Variants in GOSR1 observed in about 807,000 individuals in gnomAD.
GOSR1 encodes the protein 28 kDa Golgi SNARE protein.
In GOSR1, 21 loss-of-function variants were observed where a neutral mutation model predicts 35.5. That is an observed-to-expected ratio of 0.59 (90% confidence interval 0.42 to 0.85). GOSR1 has a LOEUF of 0.85. Among genes scored for constraint, GOSR1 ranks in the 40% least tolerant of loss-of-function variants. The pLI is 0.00. For synonymous variants in GOSR1, 94 were observed against 106.6 expected, an observed-to-expected ratio of 0.88 and a Z score of 0.73; for missense variants, 285 against 309.6, an observed-to-expected ratio of 0.92 and a Z score of 0.60.
chr17:30,496,429 C>T (rs142286341), intron 6 of GOSR1, among the ~76,000 whole-genome samples: 1 of 152,300 alleles, frequency 6.6e-6, no homozygotes, highest in African/African-American at 2.4e-5. Context: ...ATCATAGTCT[C>T]CTTTCCTTGA....
intron 1 of GOSR1, chr17:30,478,786 A>C (rs1914127093): frequency 6.6e-6 from 1 of 152,154 alleles, no homozygotes; most frequent in South Asian, 2.1e-4. Flanking sequence ...TGATCTCCTG[A>C]CCTCGTGATC....
intron 6 of GOSR1, among the ~76,000 whole-genome samples, chr17:30,508,838 C>A (rs576600218): frequency 6.6e-6 from 1 of 152,186 alleles, no homozygotes; most frequent in East Asian, 1.9e-4. Flanking sequence ...GATGAGAAAA[C>A]TGGGGCATGG....
intron 4 of GOSR1, among the ~76,000 whole-genome samples, chr17:30,486,516 T>C (rs1420165160): frequency 2.1e-5 from 3 of 145,610 alleles, no homozygotes; most frequent in Non-Finnish European, 4.5e-5. Flanking sequence ...AGAGTGACTG[T>C]TTCAAAAAAA....
chr17:30,479,010 A>G (rs1334249880), intron 1 of GOSR1: 1 of 152,206 alleles, frequency 6.6e-6, no homozygotes. Flanking sequence ...ATGATTACCA[A>G]TACATAAGCA....
At chr17:30,505,063 T>C (rs1306178497) in intron 6 of GOSR1, among the ~76,000 whole-genome samples, 2 of 152,258 alleles carry the variant, frequency 1.3e-5, no homozygotes, top group Non-Finnish European at 2.9e-5. Context: ...TTCCACAGAC[T>C]GATTATCTGT....
intron 6 of GOSR1, among the ~76,000 whole-genome samples, chr17:30,500,881 C>CT (rs34673687): frequency 0.053 from 7,423 of 139,462 alleles, 241 homozygotes; most frequent in East Asian, 0.096. Context: ...ACAAAGAACT[C>CT]TTTTTTTTTT....
At chr17:30,478,125 CT>C (rs1238904621) in intron 1 of GOSR1, 1 of 166,542 alleles carries the variant, frequency 6.0e-6, no homozygotes, top group African/African-American at 2.4e-5. Context: ...TGCTATACTT[CT>C]CCCACCAAAA....
chr17:30,506,952 C>T (rs1967423198), intron 6 of GOSR1, among the ~76,000 whole-genome samples: 1 of 152,144 alleles, frequency 6.6e-6, no homozygotes, highest in African/African-American at 2.4e-5. Context: ...CTGTTTACCA[C>T]ATGGTTTGCT....
chr17:30,488,444 G>A (rs1476665601), intron 4 of GOSR1, among the ~76,000 whole-genome samples: 7 of 151,494 alleles, frequency 4.6e-5, no homozygotes, highest in Non-Finnish European at 8.8e-5. Context: ...GATTACAGGC[G>A]TGAGCCACTG....
At chr17:30,488,449 C>T (rs1465892306) in intron 4 of GOSR1, among the ~76,000 whole-genome samples, 2 of 152,022 alleles carry the variant, frequency 1.3e-5, no homozygotes, top group African/African-American at 4.8e-5. Flanking sequence ...CAGGCGTGAG[C>T]CACTGCGCCC....
At chr17:30,521,167 C>CTTT (rs71360748) in intron 8 of GOSR1, among the ~76,000 whole-genome samples, 1,049 of 64,220 alleles carry the variant, frequency 0.016, 232 homozygotes, top group East Asian at 0.11. Context: ...TTCTCTCTCT[C>CTTT]TTTTTTTTTT....
At chr17:30,482,220 A>T (rs931761998) in intron 2 of GOSR1, among the ~76,000 whole-genome samples, 2 of 151,898 alleles carry the variant, frequency 1.3e-5, no homozygotes, top group African/African-American at 4.8e-5. Context: ...TAGTTATTCT[A>T]CAACTTTTTC....
At chr17:30,483,285 A>C (rs1159256297) in intron 2 of GOSR1, among the ~76,000 whole-genome samples, 1 of 152,176 alleles carries the variant, frequency 6.6e-6, no homozygotes, top group Admixed American at 6.5e-5. Flanking sequence ...TGATGAATAT[A>C]TGAATACAAT....
chr17:30,484,613 T>C (rs765230864), intron 3 of GOSR1, 50 bp from the exon 4 acceptor site: 48 of 1,029,676 alleles, frequency 4.7e-5, no homozygotes, highest in Non-Finnish European at 6.4e-5. Context: ...TTTAGCTGTT[T>C]ATAGTGCTTA....
rs776132223 is a variant in GOSR1 at position 30,484,671 on chromosome 17, G to T, written c.243G>T (p.Gly81=). Residue 81 remains glycine, a synonymous_variant, in exon 4 of 9, where the codon GGG becomes GGT. Coordinates refer to ENST00000451249, the MANE Select transcript of GOSR1 (RefSeq NM_001007025.2). ...EIEQLLARLT[G]VNDKMAEYTN... is the part of the protein sequence containing the mutation. The stretch of plus-strand genomic sequence containing the variant: ...TTTTTCTTTATTTCTAGCTTACAGG[G>T]GTAAATGATAAAATGGCAGAATATA... 3 of 1,507,246 alleles carry T rather than the reference G, an allele frequency of 2.0e-6. No individual in the cohort carries two copies. The highest frequency in any genetic ancestry group is 2.7e-6 in the Non-Finnish European group (3 of 1,101,980). The allele number at this position is 1,507,246 out of a possible 1,614,324, so 93.4% of individuals were successfully genotyped here.
chr17:30,484,072 T>C, intron 2 of GOSR1, 142 bp from the exon 3 acceptor site: 1 of 527,938 alleles, frequency 1.9e-6, no homozygotes, highest in Non-Finnish European at 3.4e-6. Context: ...GGGGTAAAAA[T>C]GTAAAAGATC....
At chr17:30,495,649 G>A (rs1257445774) in intron 6 of GOSR1, 4 of 295,186 alleles carry the variant, frequency 1.4e-5, no homozygotes, top group Admixed American at 4.5e-5. Context: ...CCAAGCCTCT[G>A]CAGTCTCATG....
chr17:30,526,411 C>T lies in GOSR1; in HGVS notation c.*4033C>T, dbSNP rs945229221. 1 of 152,106 alleles carries T rather than the reference C, an allele frequency of 6.6e-6. No individual in the cohort carries two copies. The highest frequency in any genetic ancestry group is 2.4e-5 in the African/African-American group (1 of 41,400). 9.4% of individuals were successfully genotyped at this position (152,106 alleles called of 1,614,324 possible). On this transcript the variant is annotated 3_prime_UTR_variant, in exon 9 of 9. Coordinates refer to ENST00000451249, the MANE Select transcript of GOSR1 (RefSeq NM_001007025.2). ...CTGTAATCTTAGCACTTTGGGAGAC[C>T]AAGGCAGGCGGATCGTTTGAGGCCA... is the stretch of plus-strand genomic sequence containing the variant.
At chr17:30,481,353 A>G (rs1914336614) in intron 2 of GOSR1, 96 bp downstream of exon 2, 4 of 828,988 alleles carry the variant, frequency 4.8e-6, no homozygotes, top group Middle Eastern at 2.4e-4. Flanking sequence ...AAGTTGGTCT[A>G]TTGGTGAATT....
Sources: gnomAD v4.1 joint callset for allele counts (sites outside exome capture counted in the v4.1 genomes callset) on GRCh38, gnomAD v4.1.1 for gene constraint, MANE v1.5 for transcripts, NCBI Gene and HGNC (gene_info 2026-07-23, HGNC 2026-07-21) for gene names.